Variants in EXOC4 observed in about 807,000 individuals in gnomAD.
EXOC4 encodes the protein exocyst complex component 4, also known as SEC8-like 1.
Under a neutral mutation model 107.2 loss-of-function variants are expected in EXOC4, and 71 were observed. The ratio of observed to expected loss-of-function variants is 0.66; its 90% CI spans 0.55 to 0.81. The LOEUF (loss-of-function observed/expected upper bound fraction) is 0.81, where lower values mean the gene tolerates loss of function less well. Among genes scored for constraint, EXOC4 ranks in the 30% least tolerant of loss-of-function variants. The pLI is 0.00. For synonymous variants in EXOC4, 456 were observed against 441.2 expected (o/e 1.03, Z -0.42); for missense variants, 1,108 against 1,189.6 (o/e 0.93, Z 1.01).
At chr7:133,430,044 T>A (rs921465834) in intron 7 of EXOC4, among the ~76,000 whole-genome samples, 1 of 152,214 alleles carries the variant, frequency 6.6e-6, no homozygotes, top group African/African-American at 2.4e-5. Flanking sequence ...CCCTGCCCTC[T>A]TGGTACCTGA....
chr7:133,962,616 T>A (rs1800973201), intron 14 of EXOC4, among the ~76,000 whole-genome samples: 1 of 152,220 alleles, frequency 6.6e-6, no homozygotes, highest in South Asian at 2.1e-4. Flanking sequence ...CTTTATATAC[T>A]ATCTAAATCT....
intron 9 of EXOC4, among the ~76,000 whole-genome samples, chr7:133,537,296 A>AAC (rs750139453): frequency 7.8e-6 from 1 of 128,060 alleles, no homozygotes; most frequent in Non-Finnish European, 1.6e-5. Context: ...GATTACAGGC[A>AAC]CCCCCCCCCC....
intron 1 of EXOC4, chr7:133,253,406 T>G: frequency 7.6e-7 from 1 of 1,313,528 alleles, no homozygotes; most frequent in Non-Finnish European, 9.7e-7. Flanking sequence ...CCCGCCTCAG[T>G]CTTTTCTTTA....
intron 10 of EXOC4, among the ~76,000 whole-genome samples, chr7:133,642,973 T>G (rs1012158406): frequency 3.3e-5 from 5 of 152,224 alleles, no homozygotes; most frequent in Non-Finnish European, 5.9e-5. Context: ...CTTCCAACTT[T>G]TTCCTGTGCC....
chr7:133,806,035 C>T (rs960312332), intron 10 of EXOC4, among the ~76,000 whole-genome samples: 10 of 152,206 alleles, frequency 6.6e-5, no homozygotes, highest in African/African-American at 2.4e-4. Context: ...CTATTCATAG[C>T]ATGTGCTAAG....
At chr7:133,483,868 A>G (rs762407084) in intron 9 of EXOC4, among the ~76,000 whole-genome samples, 2 of 152,182 alleles carry the variant, frequency 1.3e-5, no homozygotes, top group Non-Finnish European at 2.9e-5. Context: ...TGGTCCAAGG[A>G]CCACAATGAG....
intron 9 of EXOC4, among the ~76,000 whole-genome samples, chr7:133,613,971 G>C (rs1388552183): frequency 6.6e-6 from 1 of 152,082 alleles, no homozygotes; most frequent in East Asian, 1.9e-4. Flanking sequence ...GGATGCAAAG[G>C]GTGGTTTGAT....
In EXOC4 at chr7:133,384,683, A is replaced by C. The variant is rs147692440; in HGVS notation, c.1182+9681A>C. On this transcript the variant is annotated intron_variant, in intron 7 of 17. Coordinates refer to ENST00000253861, the MANE Select transcript of EXOC4 (RefSeq NM_021807.4). ...TGCCTACTTGAGAAGGTTTTAGAGC[A>C]AAGGTAATTACATTTTCCTGAATTG... 3.3e-5 allele frequency among the ~76,000 whole-genome samples: 5 copies of C among 151,982 alleles called. No homozygotes were observed. In the East Asian group the frequency reaches 9.7e-4, roughly 29 times the overall value.
chr7:133,582,017 C>A (rs543345928), intron 9 of EXOC4, among the ~76,000 whole-genome samples: 78 of 152,122 alleles, frequency 5.1e-4, no homozygotes, highest in African/African-American at 1.7e-3. Context: ...GAGAAATCTG[C>A]CCCCATGATT....
In EXOC4 at chr7:133,395,185, A is replaced by G. The variant is rs79011153; in HGVS notation, c.1182+20183A>G. On this transcript the variant is annotated intron_variant, in intron 7 of 17. Transcript: ENST00000253861. ...ATTTACTCGTGAAAGGGTAAATGCA[A>G]CTTCCTGATGTGAAATAGGGGCATT... Among the ~76,000 whole-genome samples the G allele has an allele frequency of 5.8e-3, 879 of 151,616 alleles. 9 individuals carry two copies. Among genetic ancestry groups the G allele is most frequent in the African/African-American group, 0.02 (817 of 41,284 alleles).
chr7:133,286,185 T>G (rs1372957701), intron 2 of EXOC4, among the ~76,000 whole-genome samples: 2 of 152,232 alleles, frequency 1.3e-5, no homozygotes, highest in African/African-American at 4.8e-5. Flanking sequence ...TCTTGCTTTG[T>G]TTTACCTCCT....
In EXOC4 at chr7:133,904,739, T is replaced by C. The variant is rs540492714; in HGVS notation, c.1871+9004T>C. 8.3e-4 allele frequency among the ~76,000 whole-genome samples: 126 copies of C among 152,348 alleles called. 4 individuals are homozygous for C. The South Asian group carries it at 0.024, about 29-fold the overall frequency. The stretch of plus-strand genomic sequence containing the variant: ...TAGAAAATCATCTTTCTGGTTGTTA[T>C]ACAACAATGCACACTCAAAGGCACA... On this transcript the variant is annotated intron_variant, in intron 12 of 17. Transcript: ENST00000253861.
In EXOC4 at chr7:133,966,366, G is replaced by A. The variant is rs187124606; in HGVS notation, c.2206+28297G>A. On this transcript the variant is annotated intron_variant, in intron 14 of 17. Transcript: ENST00000253861. ...TGGCCAGAACTTCCAATACTATGTT[G>A]AATAGGAGTGGTGAGAGAGGGCATC... Among the ~76,000 whole-genome samples the A allele has an allele frequency of 2.1e-3, 325 of 152,238 alleles. 3 individuals are homozygous for A. Among genetic ancestry groups the A allele is most frequent in the African/African-American group, 7.5e-3 (311 of 41,554 alleles).
chr7:133,650,988 CAAAG>C (rs1484822800), intron 10 of EXOC4, among the ~76,000 whole-genome samples: 4 of 106,734 alleles, frequency 3.7e-5, no homozygotes, highest in Admixed American at 1.1e-4. Context: ...TGTGTGTCCT[CAAAG>C]AAAGAAAGCA....
intron 10 of EXOC4, among the ~76,000 whole-genome samples, chr7:133,766,858 C>T (rs1003104818): frequency 1.3e-5 from 2 of 152,048 alleles, no homozygotes; most frequent in Non-Finnish European, 2.9e-5. Flanking sequence ...TTCAGGGTTG[C>T]AAACCTATTC....
At chr7:133,621,517 A>G (rs146518283) in intron 9 of EXOC4, among the ~76,000 whole-genome samples, 2 of 152,194 alleles carry the variant, frequency 1.3e-5, no homozygotes, top group African/African-American at 4.8e-5. Context: ...TTTCCAACAC[A>G]CGTAAGATAC....
intron 10 of EXOC4, among the ~76,000 whole-genome samples, chr7:133,720,522 C>A (rs1795086289): frequency 6.6e-6 from 1 of 152,054 alleles, no homozygotes; most frequent in African/African-American, 2.4e-5. Context: ...ATTTTCTATT[C>A]ATGTTAAAGC....
chr7:133,297,703 A>C (rs976744777), intron 3 of EXOC4, among the ~76,000 whole-genome samples: 2 of 152,198 alleles, frequency 1.3e-5, no homozygotes, highest in Non-Finnish European at 2.9e-5. Flanking sequence ...AAAATGGTGT[A>C]GGTATCATCG....
chr7:133,833,527 G>C (rs1218544060), intron 11 of EXOC4, among the ~76,000 whole-genome samples: 3 of 152,084 alleles, frequency 2.0e-5, no homozygotes, highest in Admixed American at 6.5e-5. Flanking sequence ...TGGCCTTTTA[G>C]AGGCCTCTTG....
Sources: allele counts gnomAD v4.1 joint callset (sites outside exome capture counted in the v4.1 genomes callset), GRCh38; gene constraint gnomAD v4.1.1; transcripts MANE v1.5; gene names NCBI Gene and HGNC (gene_info 2026-07-23, HGNC 2026-07-21).